The following BUB1B variants were observed in gnomAD, a reference collection of about 807,000 sequenced individuals.
BUB1B encodes BUB1 mitotic checkpoint serine/threonine kinase B, also known as mitotic checkpoint serine/threonine-protein kinase BUB1 beta.
Under a neutral mutation model 137.7 loss-of-function variants are expected in BUB1B, and 86 were observed. The ratio of observed to expected loss-of-function variants is 0.62; its 90% CI spans 0.52 to 0.75. BUB1B has a LOEUF of 0.75. Among genes scored for constraint, BUB1B ranks in the 30% least tolerant of loss-of-function variants. BUB1B has a pLI of 0.00. For missense variants in BUB1B, 1,130 were observed against 1,236.9 expected (o/e 0.91, Z 1.30); for synonymous variants, 420 against 417.9 (o/e 1.00, Z -0.06).
At chr15:40,175,061 C>T (rs1484107412) in intron 4 of BUB1B, among the ~76,000 whole-genome samples, 2 of 152,038 alleles carry the variant, frequency 1.3e-5, no homozygotes, top group East Asian at 1.9e-4. Flanking sequence ...AGTATTTTTG[C>T]GAATTATTAA....
intron 16 of BUB1B, 95 bp downstream of exon 16, chr15:40,208,865 C>G: frequency 3.9e-6 from 5 of 1,277,584 alleles, no homozygotes; most frequent in Non-Finnish European, 5.6e-6. Context: ...GACAGGGTCT[C>G]ACTCTGTCAC....
intron 9 of BUB1B, among the ~76,000 whole-genome samples, chr15:40,198,414 C>T (rs1328717839): frequency 6.6e-6 from 1 of 152,052 alleles, no homozygotes; most frequent in African/African-American, 2.4e-5. Context: ...GAATCTATTT[C>T]ATGAACTTGT....
Position 40,197,317 on chromosome 15 carries a change from G to T in BUB1B, c.1288+543G>T, listed in dbSNP as rs544499833. Reference sequence around the variant, plus strand: ...TTATATTTCTAAATTAAAGGAAAAGGTTTAAAAATTGAGATATGGGGAATT... The same window carrying T: ...TTATATTTCTAAATTAAAGGAAAAGTTTTAAAAATTGAGATATGGGGAATT... On this transcript the variant is annotated intron_variant, in intron 9 of 22. Transcript: ENST00000287598. 4.7e-4 allele frequency among the ~76,000 whole-genome samples: 72 copies of T among 152,190 alleles called. No individual in the cohort carries two copies. In the South Asian group the frequency reaches 0.012, roughly 25 times the overall value.
intron 5 of BUB1B, among the ~76,000 whole-genome samples, chr15:40,180,642 C>CTTTTTTTTTTTTT (rs71132149): frequency 5.5e-4 from 36 of 65,836 alleles, no homozygotes; most frequent in South Asian, 1.3e-3. Flanking sequence ...TTTTCTTTTT[C>CTTTTTTTTTTTTT]TTTTTTTTTT....
In BUB1B at chr15:40,220,769, T is replaced by A. The variant is rs2037892754; in HGVS notation, c.*10T>A. The A allele has an allele frequency of 6.2e-7, 1 of 1,612,820 alleles. No homozygotes were observed. ...TTTGCTCTTTCAGTGAGCTAGGCAA[T>A]CAAGTCTCACAGATTGCTGCCTCAG... On this transcript the variant is annotated 3_prime_UTR_variant, in exon 23 of 23. Transcript: ENST00000287598.
rs538008557 is a variant in BUB1B at position 40,168,853 on chromosome 15, T to G, written c.180-1209T>G. Among the ~76,000 whole-genome samples the G allele has an allele frequency of 2.6e-5, 4 of 152,288 alleles. No homozygotes were observed. In the South Asian group the frequency reaches 8.3e-4, roughly 32 times the overall value. On this transcript the variant is annotated intron_variant, in intron 2 of 22. Transcript: ENST00000287598. ...GTTTCCCTCTGTCTTGAAAAAACTG[T>G]TTTTCTTTCAAATTCCATGGTTCTT...
chr15:40,188,910 A>G lies in BUB1B; in HGVS notation c.1058+3268A>G, dbSNP rs118027801. On this transcript the variant is annotated intron_variant, in intron 8 of 22. Coordinates refer to ENST00000287598, the MANE Select transcript of BUB1B (RefSeq NM_001211.6). ...AAAGCTTTTTTTTCTTTTTTTTTCT[A>G]AACTTCATCGAAATATAATTCCGTG... is the stretch of plus-strand genomic sequence containing the variant. 8.5e-3 allele frequency among the ~76,000 whole-genome samples: 1,292 copies of G among 151,122 alleles called. 7 individuals carry two copies. Among genetic ancestry groups the G allele is most frequent in the Middle Eastern group, 0.024 (7 of 292 alleles).
intron 5 of BUB1B, among the ~76,000 whole-genome samples, chr15:40,179,949 T>C (rs1330943649): frequency 2.1e-5 from 3 of 143,358 alleles, no homozygotes; most frequent in Non-Finnish European, 4.5e-5. Context: ...GACAATATTT[T>C]GTTTTGCTTT....
At chr15:40,171,327 C>T (rs1236387759) in intron 4 of BUB1B, among the ~76,000 whole-genome samples, 1 of 152,112 alleles carries the variant, frequency 6.6e-6, no homozygotes, top group African/African-American at 2.4e-5. Context: ...GTGGGCTGAT[C>T]GCTTCAGCCC....
intron 9 of BUB1B, among the ~76,000 whole-genome samples, chr15:40,197,986 G>T (rs983007630): frequency 6.6e-5 from 10 of 152,246 alleles, no homozygotes; most frequent in African/African-American, 2.4e-4. Context: ...AGCTTAGTCT[G>T]TACCAGATAT....
chr15:40,202,830 C>T, intron 14 of BUB1B, 136 bp downstream of exon 14: 1 of 773,020 alleles, frequency 1.3e-6, no homozygotes, highest in East Asian at 2.6e-5. Flanking sequence ...TACTACTCAA[C>T]AGGGAAATGC....
chr15:40,195,258 G>A (rs528339398), intron 8 of BUB1B, among the ~76,000 whole-genome samples: 2 of 151,820 alleles, frequency 1.3e-5, no homozygotes, highest in South Asian at 4.2e-4. Flanking sequence ...CCTCAGTTAC[G>A]TCACTTAGAA....
Position 40,212,589 on chromosome 15 carries a change from T to TA in BUB1B, c.2477dup (p.Tyr826Ter). 6.2e-7 allele frequency: 1 copy of TA among 1,613,444 alleles called. No homozygotes were observed. Residue 826 changes from tyrosine to a stop codon, truncating the protein, a stop_gained and frameshift_variant, in exon 19 of 23, where the codon TAT becomes TAAT. Transcript: ENST00000287598. LOFTEE classifies it high-confidence loss of function. ...AGATTTTGATCATTTTTGCAGCTGTTATCAATATCAAGATGGCTGTATTGT... is the reference window on the plus strand; with the variant it reads ...AGATTTTGATCATTTTTGCAGCTGTTAATCAATATCAAGATGGCTGTATTGT... ...NEDFDHFCSC[Y>*]QYQDGCIVWH...
At chr15:40,177,928 T>C (rs1278768087) in intron 5 of BUB1B, among the ~76,000 whole-genome samples, 2 of 152,114 alleles carry the variant, frequency 1.3e-5, no homozygotes, top group Non-Finnish European at 2.9e-5. Context: ...GTAGGTTATA[T>C]AGTGATTCTC....
chr15:40,213,469 A>G lies in BUB1B; in HGVS notation c.2673A>G (p.Arg891=), dbSNP rs140574971. The G allele has an allele frequency of 1.2e-5, 20 of 1,614,048 alleles. No individual in the cohort carries two copies. In the African/African-American group the frequency reaches 2.3e-4, roughly 18 times the overall value. The change falls in exon 20 of 23, where the codon AGA becomes AGG. Residue 891 remains arginine (R), a synonymous_variant. Transcript: ENST00000287598. ...TGAGTCCAAGGTGTCTGATTCTCAG[A>G]AACAGGTTGGTCCTTTTCATTCTTA... is the stretch of plus-strand genomic sequence containing the variant. ...GDLSPRCLIL[R]NRIHDPYDCN... is the part of the protein sequence containing the mutation.
chr15:40,185,624 C>G lies in BUB1B; in HGVS notation c.1040C>G (p.Thr347Ser). Residue 347 changes from threonine to serine, a missense_variant, in exon 8 of 23, where the codon ACT becomes AGT. Physicochemically the swap from Thr to Ser is moderately conservative, Grantham distance 58. Transcript: ENST00000287598. ...LPSFTPYVEE[T>S]ARQPVMTPCK... is the part of the protein sequence containing the mutation. ...AGTTTCACTCCATATGTGGAAGAGA[C>G]TGCACGACAGCCAGTTATGTGAGTG... 1 of 1,613,910 alleles carries G rather than the reference C, an allele frequency of 6.2e-7. No individual in the cohort carries two copies. The highest frequency in any genetic ancestry group is 8.5e-7 in the Non-Finnish European group (1 of 1,179,774).
rs1217885669 is a variant in BUB1B at position 40,206,274 on chromosome 15, T to G, written c.1825T>G (p.Cys609Gly). 1 of 1,614,070 alleles carries G rather than the reference T, an allele frequency of 6.2e-7. No homozygotes were observed. The highest frequency in any genetic ancestry group is 8.5e-7 in the Non-Finnish European group (1 of 1,180,034). The change falls in exon 15 of 23, where the codon TGT becomes GGT. Residue 609 changes from cysteine to glycine, a missense_variant. Cys to Gly is a radical substitution (Grantham distance 159). Coordinates refer to ENST00000287598, the MANE Select transcript of BUB1B (RefSeq NM_001211.6). Reference sequence around the variant, plus strand: ...AATTTGTCCTAACCCAGAAGACACTTGTGACTTTGCCAGAGCAGCTCGTTT... The same window carrying G: ...AATTTGTCCTAACCCAGAAGACACTGGTGACTTTGCCAGAGCAGCTCGTTT... ...VTICPNPEDT[C>G]DFARAARFVS... is the part of the protein sequence containing the mutation.
intron 2 of BUB1B, among the ~76,000 whole-genome samples, chr15:40,168,804 C>T (rs2140880763): frequency 6.6e-6 from 1 of 152,260 alleles, no homozygotes; most frequent in South Asian, 2.1e-4. Context: ...AGCTCTTCCA[C>T]CTTCGTAATT....
At chr15:40,202,488 T>G in intron 13 of BUB1B, 23 bp downstream of exon 13, 1 of 1,606,634 alleles carries the variant, frequency 6.2e-7, no homozygotes, top group South Asian at 1.1e-5. Context: ...TTTGTTTTTT[T>G]GGTTTTTTTT....
Sources: gnomAD v4.1 joint callset for allele counts (sites outside exome capture counted in the v4.1 genomes callset) on GRCh38, gnomAD v4.1.1 for gene constraint, MANE v1.5 for transcripts, NCBI Gene and HGNC (gene_info 2026-07-23, HGNC 2026-07-21) for gene names.